Variants in NUP188 observed in about 807,000 individuals in gnomAD.
NUP188 encodes nucleoporin 188.
Under a neutral mutation model 223.0 loss-of-function variants are expected in NUP188, and 97 were observed. That is an observed-to-expected ratio of 0.43 (90% CI 0.37 to 0.51). The LOEUF is 0.51. Among genes scored for constraint, NUP188 ranks in the 20% least tolerant of loss-of-function variants. The probability of loss-of-function intolerance (pLI) is 0.00; values close to 1 mark genes in which losing one functional copy is unlikely to be tolerated. For synonymous variants in NUP188, 869 were observed against 828.0 expected (o/e 1.05, Z -0.85); for missense variants, 1,947 against 2,175.6 (o/e 0.89, Z 2.09).
intron 8 of NUP188, among the ~76,000 whole-genome samples, chr9:128,967,257 A>G (rs1294361223): frequency 6.6e-6 from 1 of 152,098 alleles, no homozygotes; most frequent in Non-Finnish European, 1.5e-5. Flanking sequence ...CAGTCCTCCC[A>G]CTTTGGCCTC....
intron 25 of NUP188, among the ~76,000 whole-genome samples, chr9:128,991,857 G>A (rs1842438347): frequency 6.7e-6 from 1 of 149,136 alleles, no homozygotes; most frequent in African/African-American, 2.5e-5. Flanking sequence ...GTATTTGAGT[G>A]TGTACTTTTG....
intron 8 of NUP188, among the ~76,000 whole-genome samples, chr9:128,960,703 A>G (rs985367971): frequency 8.5e-5 from 13 of 152,184 alleles, no homozygotes; most frequent in South Asian, 2.1e-4. Flanking sequence ...TAATCCTAGC[A>G]CGGTGGGAGG....
chr9:128,992,625 ACTTC>A (rs546789015), intron 25 of NUP188, among the ~76,000 whole-genome samples: 294 of 149,800 alleles, frequency 2.0e-3, no homozygotes, highest in Non-Finnish European at 3.4e-3. Context: ...TTTAATTTGG[ACTTC>A]CTTCATTCTT....
At chr9:128,982,851 G>T in intron 16 of NUP188, 51 bp from the exon 17 acceptor site, 1 of 1,610,068 alleles carries the variant, frequency 6.2e-7, no homozygotes, top group South Asian at 1.1e-5. Flanking sequence ...ACTGTTCAGT[G>T]ATCTTAAAGG....
In NUP188 at chr9:128,975,226, C is replaced by CTTTTTTTTT. The variant is rs540828761; in HGVS notation, c.1203+1986_1203+1994dup. ...AATTAATTAATTTCTTTTTCTTTTC[C>CTTTTTTTTT]TTTTTTTTTTTTTTTTTGAGACGGA... On this transcript the variant is annotated intron_variant, in intron 12 of 43. Transcript: ENST00000372577. Among the ~76,000 whole-genome samples the CTTTTTTTTT allele has an allele frequency of 3.1e-3, 403 of 131,794 alleles. 16 individuals are homozygous for CTTTTTTTTT. The highest frequency in any genetic ancestry group is 0.011 in the African/African-American group (383 of 33,580). 86.5% of individuals were successfully genotyped at this position (131,794 alleles called of 152,430 possible). A position where few individuals can be genotyped will look rare whatever the true frequency, so the allele number is the denominator to read the frequency against.
Position 128,995,447 on chromosome 9 carries a change from C to A in NUP188, c.3284C>A (p.Thr1095Asn), listed in dbSNP as rs752777473. The change falls in exon 30 of 44, where the codon ACC becomes AAC. Residue 1095 changes from threonine (T) to asparagine (N), a missense_variant. Around this residue, in one of 3 missense-constraint regions of NUP188, gnomAD observed 905 missense variants for 990.6 expected, o/e 0.91. Transcript: ENST00000372577. ...GCCGAAACAGAAGGCAGCAGCTGCA[C>A]CTCCTTGTTAGAGTACCAGATGCTG... ...HVAETEGSSC[T>N]SLLEYQMLVS... 6.2e-7 allele frequency: 1 copy of A among 1,613,712 alleles called. No homozygotes were observed. The highest frequency in any genetic ancestry group is 8.5e-7 in the Non-Finnish European group (1 of 1,179,754).
At chr9:128,995,840 C>T (rs1485472145) in intron 30 of NUP188, among the ~76,000 whole-genome samples, 5 of 152,314 alleles carry the variant, frequency 3.3e-5, no homozygotes, top group East Asian at 1.9e-4. Context: ...ACTGTCTTCT[C>T]GTGCTGTGTA....
chr9:128,977,239 C>A (rs17455384), intron 12 of NUP188, among the ~76,000 whole-genome samples: 45,194 of 150,986 alleles, frequency 0.3, 7,974 homozygotes, highest in Admixed American at 0.39. Context: ...CCTGCCTCAG[C>A]CTCCCCAGCA....
chr9:128,958,683 C>T, intron 6 of NUP188, 119 bp from the exon 7 acceptor site: 4 of 472,462 alleles, frequency 8.5e-6, no homozygotes, highest in Non-Finnish European at 1.1e-5. Context: ...TCTGTGATTC[C>T]TTATTTATAT....
rs1320078543 is a variant in NUP188, at chr9:128,961,959, G to A, written c.585+2825G>A. On this transcript the variant is annotated intron_variant, in intron 8 of 43. Coordinates refer to ENST00000372577, the MANE Select transcript of NUP188 (RefSeq NM_015354.3). Reference sequence around the variant, plus strand: ...CATACTCTTTTTTTTTTTTTTGGACGGAGTTTTACTCTTGTTGCCCAGGCT... The same window carrying A: ...CATACTCTTTTTTTTTTTTTTGGACAGAGTTTTACTCTTGTTGCCCAGGCT... 8.1e-5 allele frequency among the ~76,000 whole-genome samples: 12 copies of A among 147,494 alleles called. No individual in the cohort carries two copies. The East Asian group carries it at 1.2e-3, about 15-fold the overall frequency.
At chr9:128,964,060 C>G (rs1378910241) in intron 8 of NUP188, among the ~76,000 whole-genome samples, 1 of 152,024 alleles carries the variant, frequency 6.6e-6, no homozygotes, top group Non-Finnish European at 1.5e-5. Context: ...GTGATCCACC[C>G]GCCTAGGCCT....
intron 34 of NUP188, 43 bp downstream of exon 34, chr9:128,999,848 C>A: frequency 6.3e-7 from 1 of 1,580,830 alleles, no homozygotes. Flanking sequence ...TTCCACTGCC[C>A]GCCAGCTCTG....
chr9:128,967,397 G>A lies in NUP188; in HGVS notation c.586-1109G>A, dbSNP rs547328925. Among the ~76,000 whole-genome samples, 15 of 152,292 alleles carry A rather than the reference G, an allele frequency of 9.8e-5. No individual in the cohort carries two copies. In the South Asian group the frequency reaches 2.9e-3, roughly 29 times the overall value. ...GCTGGGTGTATGGTGGCTCAGGCCTGTAATCCCACCACTTTGTGAGGTGAA... is the reference window on the plus strand; with the variant it reads ...GCTGGGTGTATGGTGGCTCAGGCCTATAATCCCACCACTTTGTGAGGTGAA... On this transcript the variant is annotated intron_variant, in intron 8 of 43. Coordinates refer to ENST00000372577, the MANE Select transcript of NUP188 (RefSeq NM_015354.3).
chr9:128,959,763 C>G (rs1280926569), intron 8 of NUP188, among the ~76,000 whole-genome samples: 1 of 151,952 alleles, frequency 6.6e-6, no homozygotes, highest in Non-Finnish European at 1.5e-5. Context: ...TGGTCTCGAA[C>G]TCCCGACCTC....
chr9:128,972,013 C>T (rs1028605548), intron 11 of NUP188, among the ~76,000 whole-genome samples: 1 of 152,084 alleles, frequency 6.6e-6, no homozygotes, highest in Non-Finnish European at 1.5e-5. Context: ...CTCAAGTGAT[C>T]TGCCCACCTC....
intron 3 of NUP188, among the ~76,000 whole-genome samples, chr9:128,954,797 T>G (rs1841845795): frequency 6.6e-6 from 1 of 152,050 alleles, no homozygotes; most frequent in African/African-American, 2.4e-5. Flanking sequence ...GATGTTTTCC[T>G]TATTATTAGA....
intron 13 of NUP188, 36 bp downstream of exon 13, chr9:128,979,363 G>T (rs1842224074): frequency 1.4e-6 from 2 of 1,475,196 alleles, no homozygotes; most frequent in Non-Finnish European, 1.9e-6. Flanking sequence ...CATAGCAAAA[G>T]AATTGTTCAA....
Position 128,964,706 on chromosome 9 carries a change from ATTT to A in NUP188, c.586-3783_586-3781del, listed in dbSNP as rs112671736. Among the ~76,000 whole-genome samples, 105 of 129,482 alleles carry A rather than the reference ATTT, an allele frequency of 8.1e-4. 1 individual carries two copies. Among genetic ancestry groups the A allele is most frequent in the Admixed American group, 3.6e-3 (45 of 12,518 alleles). 84.9% of individuals were successfully genotyped at this position (129,482 alleles called of 152,430 possible). ...TCCAAGAGCCAACATTTTAATTTTA[ATTT>A]TTTTTTTTTTTTTTTTGAGACGCTC... On this transcript the variant is annotated intron_variant, in intron 8 of 43. Transcript: ENST00000372577.
intron 7 of NUP188, 42 bp from the exon 8 acceptor site, chr9:128,958,973 C>G (rs1169272723): frequency 4.2e-6 from 6 of 1,427,782 alleles, no homozygotes; most frequent in Non-Finnish European, 5.7e-6. Context: ...TGAATATTTA[C>G]CTTTTATTCT....
Sources: gnomAD v4.1 joint callset for allele counts (sites outside exome capture counted in the v4.1 genomes callset) on GRCh38, gnomAD v4.1.1 for gene constraint, gnomAD v4.1.1 regional missense constraint, MANE v1.5 for transcripts, NCBI Gene and HGNC (gene_info 2026-07-23, HGNC 2026-07-21) for gene names.